The following DNAJC3 variants were observed in gnomAD, a reference collection of about 807,000 sequenced individuals.
The protein encoded by DNAJC3 is DnaJ heat shock protein family (Hsp40) member C3, also known as dnaJ homolog subfamily C member 3.
Under a neutral mutation model 68.6 loss-of-function variants are expected in DNAJC3, and 38 were observed. That is an observed-to-expected ratio of 0.55 (90% CI 0.43 to 0.73). DNAJC3 has a LOEUF of 0.73. Ranked by LOEUF, DNAJC3 falls within the 30% of genes least tolerant of loss-of-function variation. DNAJC3 has a pLI of 0.00. For missense variants in DNAJC3, 526 were observed against 591.9 expected (o/e 0.89, Z 1.16); for synonymous variants, 203 against 204.0 (o/e 1.00, Z 0.04).
intron 2 of DNAJC3, among the ~76,000 whole-genome samples, chr13:95,709,733 G>A (rs527812779): frequency 6.1e-5 from 9 of 147,564 alleles, no homozygotes; most frequent in Middle Eastern, 3.7e-3. Context: ...TCTGCCTCCC[G>A]GGTTCATACC....
intron 1 of DNAJC3, among the ~76,000 whole-genome samples, chr13:95,697,568 T>A (rs1880475989): frequency 6.6e-6 from 1 of 152,220 alleles, no homozygotes; most frequent in African/African-American, 2.4e-5. Flanking sequence ...TCTAGCAAGA[T>A]CAGGGGATTT....
At chr13:95,744,317 A>G (rs779021810) in intron 4 of DNAJC3, among the ~76,000 whole-genome samples, 8 of 152,206 alleles carry the variant, frequency 5.3e-5, no homozygotes, top group Admixed American at 6.5e-5. Context: ...CTCACCTTGT[A>G]CTTAATTCTA....
chr13:95,783,333 G>A (rs914647559), intron 9 of DNAJC3, among the ~76,000 whole-genome samples: 2 of 152,090 alleles, frequency 1.3e-5, no homozygotes, highest in South Asian at 2.1e-4. Context: ...ATACAAATAC[G>A]ATACAAAAGA....
At chr13:95,783,984 G>C (rs762109213) in intron 9 of DNAJC3, among the ~76,000 whole-genome samples, 1 of 152,172 alleles carries the variant, frequency 6.6e-6, no homozygotes, top group Non-Finnish European at 1.5e-5. Flanking sequence ...CTCCACCCCA[G>C]TGCACACTCC....
intron 1 of DNAJC3, among the ~76,000 whole-genome samples, chr13:95,680,259 C>G (rs556688467): frequency 6.6e-6 from 1 of 152,274 alleles, no homozygotes; most frequent in South Asian, 2.1e-4. Context: ...TCTTCCTTAA[C>G]ATGCTATCTG....
In DNAJC3 at chr13:95,787,211, G is replaced by A. The variant is rs1883627877; in HGVS notation, c.1357+56G>A. The A allele has an allele frequency of 1.9e-6, 3 of 1,569,992 alleles. No homozygotes were observed. In the Admixed American group the frequency reaches 5.7e-5, roughly 30 times the overall value. ...CCTAGAGGTGGTGTTAGAAGCGAGG[G>A]TGGAACATGTGGTGGGTTCTCCACG... On this transcript the variant is annotated intron_variant, in intron 11 of 11. Transcript: ENST00000602402.
At chr13:95,699,389 A>G (rs1880529478) in intron 1 of DNAJC3, among the ~76,000 whole-genome samples, 1 of 152,236 alleles carries the variant, frequency 6.6e-6, no homozygotes, top group Non-Finnish European at 1.5e-5. Flanking sequence ...GGGTAAGAGT[A>G]TGACATGGCT....
intron 2 of DNAJC3, among the ~76,000 whole-genome samples, chr13:95,711,753 T>C (rs1402979632): frequency 2.0e-5 from 3 of 152,176 alleles, no homozygotes; most frequent in Admixed American, 6.5e-5. Flanking sequence ...ATAACAAATT[T>C]ATAATTACAG....
intron 9 of DNAJC3, among the ~76,000 whole-genome samples, chr13:95,777,013 T>A (rs1306490019): frequency 6.6e-6 from 1 of 152,254 alleles, no homozygotes; most frequent in African/African-American, 2.4e-5. Context: ...CAGTGTCTAC[T>A]GGTTTTCCTT....
At chr13:95,726,182 A>G (rs1195462004) in intron 4 of DNAJC3, among the ~76,000 whole-genome samples, 1 of 152,082 alleles carries the variant, frequency 6.6e-6, no homozygotes, top group Non-Finnish European at 1.5e-5. Context: ...TCCTTTGGGT[A>G]TATACCCAGT....
At chr13:95,699,221 G>A (rs916935251) in intron 1 of DNAJC3, among the ~76,000 whole-genome samples, 4 of 152,182 alleles carry the variant, frequency 2.6e-5, no homozygotes, top group African/African-American at 9.7e-5. Flanking sequence ...AAATTTTGTA[G>A]AGGAAGTGAT....
chr13:95,756,757 CT>C (rs1882676171), intron 4 of DNAJC3, among the ~76,000 whole-genome samples: 1 of 152,232 alleles, frequency 6.6e-6, no homozygotes, highest in African/African-American at 2.4e-5. Context: ...AAACTACAAT[CT>C]TAACCTCCCC....
At position 95,685,230 on chromosome 13, in the gene DNAJC3, C is replaced by A. The variant is rs544468283; in HGVS notation, c.82+7893C>A. 4.6e-5 allele frequency among the ~76,000 whole-genome samples: 7 copies of A among 152,378 alleles called. No individual in the cohort carries two copies. The East Asian group carries it at 1.2e-3, about 25-fold the overall frequency. On this transcript the variant is annotated intron_variant, in intron 1 of 11. Transcript: ENST00000602402. Reference sequence around the variant, plus strand: ...CACTGCCCAAGGCCTTGGGAGCTCACCCCTTGCTGCAATATGCCCTGGATG... The same window carrying A: ...CACTGCCCAAGGCCTTGGGAGCTCAACCCTTGCTGCAATATGCCCTGGATG...
intron 9 of DNAJC3, among the ~76,000 whole-genome samples, chr13:95,765,152 A>G (rs1882956518): frequency 6.6e-6 from 1 of 152,158 alleles, no homozygotes; most frequent in Non-Finnish European, 1.5e-5. Flanking sequence ...AAATGAATGC[A>G]GTCAAAATGA....
intron 4 of DNAJC3, among the ~76,000 whole-genome samples, chr13:95,739,241 C>T (rs1469683308): frequency 6.6e-6 from 1 of 152,188 alleles, no homozygotes; most frequent in South Asian, 2.1e-4. Flanking sequence ...ACCTTCCTCT[C>T]TGGCTGCCCT....
intron 2 of DNAJC3, among the ~76,000 whole-genome samples, chr13:95,720,667 T>C (rs1881292724): frequency 6.6e-6 from 1 of 152,198 alleles, no homozygotes; most frequent in Non-Finnish European, 1.5e-5. Context: ...TCAAGTTAAT[T>C]ACAGTATTTT....
chr13:95,773,599 A>T (rs1363723816), intron 9 of DNAJC3, among the ~76,000 whole-genome samples: 1 of 152,078 alleles, frequency 6.6e-6, no homozygotes, highest in Non-Finnish European at 1.5e-5. Context: ...CATGAAGTTC[A>T]TAATATTATC....
At chr13:95,754,864 G>A (rs1224876748) in intron 4 of DNAJC3, among the ~76,000 whole-genome samples, 1 of 152,172 alleles carries the variant, frequency 6.6e-6, no homozygotes, top group Non-Finnish European at 1.5e-5. Context: ...ACAGAAGGCA[G>A]ATCATCTCTT....
At chr13:95,784,541 G>A (rs1566517168) in intron 9 of DNAJC3, among the ~76,000 whole-genome samples, 1 of 152,106 alleles carries the variant, frequency 6.6e-6, no homozygotes, top group Non-Finnish European at 1.5e-5. Context: ...TTTTTTTGGG[G>A]AACTAGTCAC....
Sources: allele counts gnomAD v4.1 joint callset (sites outside exome capture counted in the v4.1 genomes callset), GRCh38; gene constraint gnomAD v4.1.1; transcripts MANE v1.5; gene names NCBI Gene and HGNC (gene_info 2026-07-23, HGNC 2026-07-21).